Variants in BCL2L11 observed in about 807,000 individuals in gnomAD.
The protein encoded by BCL2L11 is BCL2 like 11, also known as bcl-2-like protein 11.
A neutral mutation model predicts 20.6 loss-of-function variants in BCL2L11; 15 were observed. The ratio of observed to expected loss-of-function variants is 0.73; its 90% CI spans 0.49 to 1.12. The LOEUF (loss-of-function observed/expected upper bound fraction) is 1.12. BCL2L11 is among the 50% of genes most tolerant of loss of function. BCL2L11 has a pLI of 0.00. For missense variants in BCL2L11, 292 were observed against 260.9 expected, an observed-to-expected ratio of 1.12 and a Z score of -0.82; for synonymous variants, 108 against 92.8, an observed-to-expected ratio of 1.16 and a Z score of -0.94.
chr2:111,164,276 T>C lies in BCL2L11; in HGVS notation c.*45T>C, dbSNP rs1575240668. The stretch of plus-strand genomic sequence containing the variant: ...AGATACCATGCAGACATTTTGCTTG[T>C]TCAAACCAACAAGACCCAGCACCGC... On this transcript the variant is annotated 3_prime_UTR_variant, in exon 4 of 4. Coordinates refer to ENST00000393256, the MANE Select transcript of BCL2L11 (RefSeq NM_138621.5). 7 of 1,448,218 alleles carry C rather than the reference T, an allele frequency of 4.8e-6. No homozygotes were observed. The highest frequency in any genetic ancestry group is 1.7e-5 in the Admixed American group (1 of 59,808). The allele number at this position is 1,448,218 out of a possible 1,614,324, so 89.7% of individuals were successfully genotyped here.
intron 3 of BCL2L11, among the ~76,000 whole-genome samples, chr2:111,163,861 C>CTTTTTTTTTTGT (rs2078865511): frequency 9.5e-6 from 1 of 104,720 alleles, no homozygotes; most frequent in Non-Finnish European, 1.9e-5. Context: ...TTTTTGAGTG[C>CTTTTTTTTTTGT]TTTTTTTTTT....
chr2:111,143,871 C>T (rs1357195735), intron 2 of BCL2L11, among the ~76,000 whole-genome samples: 1 of 152,160 alleles, frequency 6.6e-6, no homozygotes, highest in Non-Finnish European at 1.5e-5. Context: ...AAAGGCATAA[C>T]ACATTAATCT....
rs1054250679 is a variant in BCL2L11 at position 111,121,106 on chromosome 2, C to A, written c.-96C>A. On this transcript the variant is annotated 5_prime_UTR_variant, in exon 1 of 4. Transcript: ENST00000393256. ...ATCGCGGTATTCGGTTCGCTGCGTT[C>A]CCGCCGCCACCGCCTCGGCGCCCTT... The A allele has an allele frequency of 1.7e-5, 5 of 292,208 alleles. No individual in the cohort carries two copies. Among genetic ancestry groups the A allele is most frequent in the Non-Finnish European group, 3.2e-5 (5 of 157,970 alleles). 18.1% of individuals were successfully genotyped at this position (292,208 alleles called of 1,614,324 possible).
rs2078909572 is a variant in BCL2L11, at chr2:111,164,143, A to G, written c.509A>G (p.Asn170Ser). 1.9e-6 allele frequency: 3 copies of G among 1,586,248 alleles called. No individual in the cohort carries two copies. The highest frequency in any genetic ancestry group is 2.3e-5 in the East Asian group (1 of 43,236). Residue 170 changes from asparagine to serine, a missense_variant, in exon 4 of 4, where the codon AAT becomes AGT. Transcript: ENST00000393256. ...CTTTTGTTGTTTCAGGTATTTTTGA[A>G]TAATTACCAAGCAGCCGAAGACCAC... The part of the protein sequence containing the change: ...NAYYARRVFL[N>S]NYQAAEDHPR...
rs371177347 is a variant in BCL2L11 at position 111,123,142 on chromosome 2, G to A, written c.-13-591G>A. 5.0e-5 allele frequency: 49 copies of A among 984,798 alleles called. No homozygotes were observed. The East Asian group carries it at 5.0e-3, about 100-fold the overall frequency. The allele number at this position is 984,798 out of a possible 1,614,324, so 61.0% of individuals were successfully genotyped here. On this transcript the variant is annotated intron_variant, in intron 1 of 3. Transcript: ENST00000393256. ...CGGTGCGGCGTGCGGTACGGGAGCG[G>A]GAGGGAGGGAGCACGGGCGGAGAGA...
Position 111,167,367 on chromosome 2 carries a change from TCTA to T in BCL2L11, c.*3139_*3141del, listed in dbSNP as rs1306935298. On this transcript the variant is annotated 3_prime_UTR_variant, in exon 4 of 4. Transcript: ENST00000393256. ...AACTCAGTCTGGCAGGCTACAAAAT[TCTA>T]CTCCAAGAAATACCCAGCAACCTTC... The T allele has an allele frequency of 6.6e-6, 1 of 152,216 alleles. No individual in the cohort carries two copies. Among genetic ancestry groups the T allele is most frequent in the Admixed American group, 6.5e-5 (1 of 15,286 alleles). The allele number at this position is 152,216 out of a possible 1,614,324, so 9.4% of individuals were successfully genotyped here. A position where few individuals can be genotyped will look rare whatever the true frequency, so the allele number is the denominator to read the frequency against.
chr2:111,149,212 C>T (rs1249241491), intron 2 of BCL2L11, among the ~76,000 whole-genome samples: 1 of 152,148 alleles, frequency 6.6e-6, no homozygotes, highest in East Asian at 1.9e-4. Context: ...CTTTTGACAA[C>T]TCACATTTTT....
rs2079079646 is a variant in BCL2L11, at chr2:111,167,531, A to G, written c.*3300A>G. The G allele has an allele frequency of 6.6e-6, 1 of 152,262 alleles. No homozygotes were observed. Among genetic ancestry groups the G allele is most frequent in the African/African-American group, 2.4e-5 (1 of 41,466 alleles). The allele number at this position is 152,262 out of a possible 1,614,324, so 9.4% of individuals were successfully genotyped here. ...TTCTATTGAAAATTTATCCCTGACA[A>G]CTCAGCGTTTAGAAAAGAAATAAAA... On this transcript the variant is annotated 3_prime_UTR_variant, in exon 4 of 4. Transcript: ENST00000393256.
intron 2 of BCL2L11, among the ~76,000 whole-genome samples, chr2:111,125,728 C>G (rs186981166): frequency 1.3e-5 from 2 of 152,262 alleles, no homozygotes; most frequent in East Asian, 3.9e-4. Context: ...GACATCCCAG[C>G]AGCTACACAT....
chr2:111,142,827 C>T (rs1225539719), intron 2 of BCL2L11, among the ~76,000 whole-genome samples: 1 of 152,248 alleles, frequency 6.6e-6, no homozygotes, highest in East Asian at 1.9e-4. Flanking sequence ...ATTCTCATCT[C>T]CCTCCCCTCT....
At chr2:111,137,338 G>A (rs114458693) in intron 2 of BCL2L11, among the ~76,000 whole-genome samples, 8 of 152,182 alleles carry the variant, frequency 5.3e-5, no homozygotes, top group African/African-American at 1.2e-4. Flanking sequence ...TCCACCTCCC[G>A]CACCAGAATT....
chr2:111,123,651 A>C, intron 1 of BCL2L11, 82 bp from the exon 2 acceptor site: 1 of 1,276,114 alleles, frequency 7.8e-7, no homozygotes, highest in East Asian at 2.9e-5. Context: ...AAGAATTTTT[A>C]ATCGCTAGGT....
intron 2 of BCL2L11, among the ~76,000 whole-genome samples, chr2:111,146,888 C>T: frequency 6.6e-6 from 1 of 152,072 alleles, no homozygotes; most frequent in East Asian, 1.9e-4. Flanking sequence ...TGTGTGCATA[C>T]TAGCTAGGTC....
At chr2:111,158,309 CCT>C (rs1439543422) in intron 3 of BCL2L11, among the ~76,000 whole-genome samples, 1 of 152,112 alleles carries the variant, frequency 6.6e-6, no homozygotes, top group African/African-American at 2.4e-5. Context: ...GGGGGTGACT[CCT>C]AGTTCCATGT....
At chr2:111,142,477 CTT>C (rs1225611661) in intron 2 of BCL2L11, 5 of 1,028,032 alleles carry the variant, frequency 4.9e-6, no homozygotes, top group African/African-American at 1.6e-5. Flanking sequence ...TTCATTATGT[CTT>C]AGCCCTACAG....
intron 2 of BCL2L11, among the ~76,000 whole-genome samples, chr2:111,132,484 C>T (rs2074129274): frequency 6.6e-6 from 1 of 152,070 alleles, no homozygotes; most frequent in Admixed American, 6.5e-5. Context: ...TTTTTTTCTC[C>T]AGTTTCCCCA....
chr2:111,144,427 A>G, intron 2 of BCL2L11: 1 of 1,531,286 alleles, frequency 6.5e-7, no homozygotes, highest in Non-Finnish European at 8.9e-7. Context: ...AGGATTTCAA[A>G]CATGATTCTG....
intron 2 of BCL2L11, chr2:111,146,139 G>GA (rs1368465892): frequency 1.0e-6 from 1 of 985,026 alleles, no homozygotes; most frequent in Non-Finnish European, 1.2e-6. Context: ...CATAAATGCT[G>GA]AAACTACATT....
intron 2 of BCL2L11, chr2:111,146,223 G>A: frequency 1.0e-6 from 1 of 984,220 alleles, no homozygotes. Context: ...AAATTGCCAA[G>A]TTAAAAATTT....
Sources: gnomAD v4.1 joint callset for allele counts (sites outside exome capture counted in the v4.1 genomes callset) on GRCh38, gnomAD v4.1.1 for gene constraint, MANE v1.5 for transcripts, NCBI Gene and HGNC (gene_info 2026-07-23, HGNC 2026-07-21) for gene names.